The following CFAP61 variants were observed in gnomAD, a reference collection of about 807,000 sequenced individuals.
CFAP61 encodes the protein cilia and flagella associated protein 61.
Under a neutral mutation model 135.6 loss-of-function variants are expected in CFAP61, and 107 were observed. That is an observed-to-expected ratio of 0.79 (90% CI 0.67 to 0.93). The LOEUF is 0.93. CFAP61 is among the 40% of genes least tolerant of loss of function. The pLI, the probability that CFAP61 is intolerant of heterozygous loss-of-function variation, is 0.00. For synonymous variants in CFAP61, 575 were observed against 578.5 expected, an observed-to-expected ratio of 0.99 and a Z score of 0.09; for missense variants, 1,507 against 1,556.2, an observed-to-expected ratio of 0.97 and a Z score of 0.53.
Position 20,360,306 on chromosome 20 carries a change from T to G in CFAP61, c.3610T>G (p.Phe1204Val), listed in dbSNP as rs774891043. 5 of 1,613,706 alleles carry G rather than the reference T, an allele frequency of 3.1e-6. No individual in the cohort carries two copies. The highest frequency in any genetic ancestry group is 2.7e-5 in the African/African-American group (2 of 74,892). Reference protein sequence around the residue: ...EKPRQYLKRVFEESIYKTLVE... With the variant: ...EKPRQYLKRVVEESIYKTLVE... ...GCCCAGGCAATACCTCAAAAGAGTT[T>G]TTGAGGAATCCATCTACAAAACCCT... The change falls in exon 27 of 27, where the codon TTT (phenylalanine) becomes GTT (valine). Residue 1204 changes from phenylalanine (F) to valine (V), a missense_variant. Coordinates refer to ENST00000245957, the MANE Select transcript of CFAP61 (RefSeq NM_015585.4).
intron 22 of CFAP61, among the ~76,000 whole-genome samples, chr20:20,288,205 T>A (rs778062012): frequency 1.3e-5 from 2 of 152,084 alleles, no homozygotes; most frequent in Non-Finnish European, 2.9e-5. Context: ...AGAAGGAACC[T>A]GCAGAGACCC....
intron 17 of CFAP61, among the ~76,000 whole-genome samples, chr20:20,213,356 A>G (rs1452467409): frequency 6.6e-6 from 1 of 152,198 alleles, no homozygotes; most frequent in Non-Finnish European, 1.5e-5. Flanking sequence ...AACCAGTGCT[A>G]CATGTGATTG....
chr20:20,213,018 A>G (rs1436706559), intron 17 of CFAP61, among the ~76,000 whole-genome samples: 1 of 152,162 alleles, frequency 6.6e-6, no homozygotes, highest in Admixed American at 6.5e-5. Flanking sequence ...GGGTGGGAAC[A>G]GGGCAGGTAC....
At position 20,277,405 on chromosome 20, in the gene CFAP61, A is replaced by G; in HGVS notation, c.2743A>G (p.Ile915Val). The G allele has an allele frequency of 1.2e-6, 2 of 1,613,968 alleles. No homozygotes were observed. Among genetic ancestry groups the G allele is most frequent in the Non-Finnish European group, 1.7e-6 (2 of 1,179,922 alleles). Residue 915 changes from isoleucine to valine, a missense_variant, in exon 22 of 27, where the codon ATC becomes GTC. Transcript: ENST00000245957. Reference sequence around the variant, plus strand: ...GAATGACGGCCTGCACCCAGACCCCATCTACAGCGCCTCCTTCACCACACC... The same window carrying G: ...GAATGACGGCCTGCACCCAGACCCCGTCTACAGCGCCTCCTTCACCACACC... ...QWNDGLHPDP[I>V]YSASFTTPTK...
At chr20:20,184,305 C>T (rs2055341443) in intron 13 of CFAP61, among the ~76,000 whole-genome samples, 1 of 152,198 alleles carries the variant, frequency 6.6e-6, no homozygotes, top group Admixed American at 6.5e-5. Context: ...GATTAGTTCA[C>T]TTGACAGCTG....
chr20:20,061,854 C>T (rs1363345950), intron 2 of CFAP61, among the ~76,000 whole-genome samples: 1 of 152,190 alleles, frequency 6.6e-6, no homozygotes, highest in Non-Finnish European at 1.5e-5. Flanking sequence ...GATGGCCTGG[C>T]AGCAGGGCTG....
intron 22 of CFAP61, among the ~76,000 whole-genome samples, chr20:20,286,855 G>A (rs939445783): frequency 1.3e-5 from 2 of 152,096 alleles, no homozygotes; most frequent in African/African-American, 4.8e-5. Flanking sequence ...AGAAAAACAA[G>A]AACTAGTATA....
intron 14 of CFAP61, among the ~76,000 whole-genome samples, chr20:20,190,723 A>C (rs114918942): frequency 6.6e-6 from 1 of 152,282 alleles, no homozygotes; most frequent in Non-Finnish European, 1.5e-5. Flanking sequence ...CTTACACTGC[A>C]TGTAAATCTA....
intron 4 of CFAP61, among the ~76,000 whole-genome samples, chr20:20,074,754 G>A (rs2146576824): frequency 6.6e-6 from 1 of 152,252 alleles, no homozygotes; most frequent in South Asian, 2.1e-4. Flanking sequence ...TGAATAATAG[G>A]ATGCATGGAA....
At chr20:20,315,529 C>G (rs528637600) in intron 25 of CFAP61, among the ~76,000 whole-genome samples, 5 of 152,180 alleles carry the variant, frequency 3.3e-5, no homozygotes, top group Admixed American at 3.3e-4. Context: ...TGTGCAGAAG[C>G]TCTTGAGTTT....
chr20:20,336,446 C>T (rs1003476216), intron 25 of CFAP61, among the ~76,000 whole-genome samples: 1 of 151,908 alleles, frequency 6.6e-6, no homozygotes, highest in Admixed American at 6.6e-5. Flanking sequence ...CATGGCAAGA[C>T]CCCGTTTCTG....
At chr20:20,234,820 G>A (rs1261592575) in intron 18 of CFAP61, among the ~76,000 whole-genome samples, 1 of 152,060 alleles carries the variant, frequency 6.6e-6, no homozygotes, top group Non-Finnish European at 1.5e-5. Context: ...GAGGGCCCAG[G>A]AGAGTGATTC....
chr20:20,104,237 A>T (rs944415383), intron 8 of CFAP61, among the ~76,000 whole-genome samples: 2 of 152,094 alleles, frequency 1.3e-5, no homozygotes, highest in Non-Finnish European at 1.5e-5. Context: ...AAACATCGCA[A>T]TATTGCCTTT....
intron 15 of CFAP61, among the ~76,000 whole-genome samples, chr20:20,195,229 A>C (rs949075911): frequency 1.3e-5 from 2 of 152,212 alleles, no homozygotes; most frequent in African/African-American, 4.8e-5. Context: ...GCTTGGCCAC[A>C]GATGCCACAG....
intron 8 of CFAP61, among the ~76,000 whole-genome samples, chr20:20,104,059 C>T (rs924433012): frequency 2.6e-5 from 4 of 152,182 alleles, no homozygotes; most frequent in African/African-American, 9.6e-5. Flanking sequence ...CTCTGCAGAA[C>T]TTGATGTGCT....
chr20:20,327,790 A>AAAAAAAAAAAAAAC (rs1569301247), intron 25 of CFAP61, among the ~76,000 whole-genome samples: 1 of 80,124 alleles, frequency 1.2e-5, no homozygotes, highest in African/African-American at 6.3e-5. Context: ...AAAAAAAAAA[A>AAAAAAAAAAAAAAC]AAAAAAAAAA....
chr20:20,142,284 T>C (rs2051464927), intron 8 of CFAP61, among the ~76,000 whole-genome samples: 1 of 152,190 alleles, frequency 6.6e-6, no homozygotes, highest in Non-Finnish European at 1.5e-5. Context: ...ATAATTTCTA[T>C]TACGAAATAG....
chr20:20,239,519 T>C (rs1274620336), intron 18 of CFAP61, among the ~76,000 whole-genome samples: 1 of 152,236 alleles, frequency 6.6e-6, no homozygotes, highest in Non-Finnish European at 1.5e-5. Flanking sequence ...ACACTTACCA[T>C]TTATTGAAAA....
chr20:20,220,508 G>A (rs1264034598), intron 17 of CFAP61, among the ~76,000 whole-genome samples: 5 of 149,464 alleles, frequency 3.3e-5, no homozygotes, highest in African/African-American at 1.0e-4. Context: ...ATGGACTTGC[G>A]ATTGGCATGT....
Sources: gnomAD v4.1 joint callset for allele counts (sites outside exome capture counted in the v4.1 genomes callset) on GRCh38, gnomAD v4.1.1 for gene constraint, MANE v1.5 for transcripts, NCBI Gene and HGNC (gene_info 2026-07-23, HGNC 2026-07-21) for gene names.